The following ITPR3 variants were observed in gnomAD, a reference collection of about 807,000 sequenced individuals.
ITPR3 encodes inositol 1,4,5-trisphosphate receptor type 3.
In ITPR3, 173 loss-of-function variants were observed where a neutral mutation model predicts 293.2. The ratio of observed to expected loss-of-function variants is 0.59; its 90% CI spans 0.52 to 0.67. The LOEUF (loss-of-function observed/expected upper bound fraction) is 0.67, where lower values mean the gene tolerates loss of function less well. ITPR3 is among the 30% of genes least tolerant of loss of function. The pLI, the probability that ITPR3 is intolerant of heterozygous loss-of-function variation, is 0.00. For synonymous variants in ITPR3, 1,295 were observed against 1,444.4 expected (o/e 0.90, Z 2.35); for missense variants, 2,796 against 3,592.1 (o/e 0.78, Z 5.66).
chr6:33,689,374 C>T lies in ITPR3; in HGVS notation c.6831C>T (p.Gly2277=). The change falls in exon 50 of 58, where the codon GGC becomes GGT. Residue 2277 remains glycine (G), a synonymous_variant. Transcript: ENST00000605930. Reference sequence around the variant, plus strand: ...TCCTGCGCTCCATCTACTATCTGGGCATCGGGCCCACACTCAACATCCTGG... The same window carrying T: ...TCCTGCGCTCCATCTACTATCTGGGTATCGGGCCCACACTCAACATCCTGG... ...ALILRSIYYL[G]IGPTLNILGA... is the part of the protein sequence containing the mutation. 1 of 1,611,468 alleles carries T rather than the reference C, an allele frequency of 6.2e-7. No individual in the cohort carries two copies.
chr6:33,626,283 G>A (rs760055143), intron 1 of ITPR3, among the ~76,000 whole-genome samples: 10 of 152,046 alleles, frequency 6.6e-5, no homozygotes, highest in African/African-American at 1.4e-4. Context: ...GTGAGTTTCC[G>A]TCAGCCTGCA....
At chr6:33,688,543 C>G in intron 48 of ITPR3, 112 bp downstream of exon 48, 1 of 1,530,838 alleles carries the variant, frequency 6.5e-7, no homozygotes, top group Admixed American at 1.9e-5. Flanking sequence ...CCCGCCTCAC[C>G]CCAAGGAAGG....
At chr6:33,637,886 T>A (rs1763862649) in intron 1 of ITPR3, among the ~76,000 whole-genome samples, 1 of 151,500 alleles carries the variant, frequency 6.6e-6, no homozygotes, top group Non-Finnish European at 1.5e-5. Context: ...TGACCTCAGG[T>A]GATTAGCCTG....
chr6:33,696,078 T>A lies in ITPR3; in HGVS notation c.*298T>A. On this transcript the variant is annotated 3_prime_UTR_variant, in exon 58 of 58. Coordinates refer to ENST00000605930, the MANE Select transcript of ITPR3 (RefSeq NM_002224.4). ...GACCTTTGTTCCTTAAAGCAATAAC[T>A]GACAACTCTTTGTAGTCCTCCTTGT... is the stretch of plus-strand genomic sequence containing the variant. 1 of 391,736 alleles carries A rather than the reference T, an allele frequency of 2.6e-6. No homozygotes were observed. The highest frequency in any genetic ancestry group is 4.7e-6 in the Non-Finnish European group (1 of 214,590). 24.3% of individuals were successfully genotyped at this position (391,736 alleles called of 1,614,324 possible).
intron 3 of ITPR3, among the ~76,000 whole-genome samples, chr6:33,657,651 C>G (rs951462717): frequency 6.6e-6 from 1 of 151,972 alleles, no homozygotes; most frequent in African/African-American, 2.4e-5. Context: ...GTCCTGCTGG[C>G]ATGCCCTCTC....
In ITPR3 at chr6:33,654,216, C is replaced by T. The variant is rs764163724; in HGVS notation, c.161-1550C>T. Among the ~76,000 whole-genome samples, 9 of 151,810 alleles carry T rather than the reference C, an allele frequency of 5.9e-5. No individual in the cohort carries two copies. The highest frequency in any genetic ancestry group is 8.8e-5 in the Non-Finnish European group (6 of 67,948). On this transcript the variant is annotated intron_variant, in intron 2 of 57. Transcript: ENST00000605930. This position sits in a 1 kb window ranked among gnomAD's most constrained non-coding sequence, Gnocchi z 4.1. ...CTGGGAGGTGGAGGTTGCAGTGAGC[C>T]GAGATTGCATCACTGCACTCCAGCC...
Position 33,664,370 on chromosome 6 carries a change from A to C in ITPR3, c.1148+490A>C, listed in dbSNP as rs1764555911. Among the ~76,000 whole-genome samples, 3 of 152,174 alleles carry C rather than the reference A, an allele frequency of 2.0e-5. No individual in the cohort carries two copies. The South Asian group carries it at 6.2e-4, about 32-fold the overall frequency. The stretch of plus-strand genomic sequence containing the variant: ...GTCAACAGGGCTAATGGGAGAGTTA[A>C]TTGAGTCACTACATAGGCCCACAGT... On this transcript the variant is annotated intron_variant, in intron 11 of 57. Transcript: ENST00000605930. This position sits in a 1 kb window ranked among gnomAD's most constrained non-coding sequence, Gnocchi z 4.4.
chr6:33,676,206 C>A (rs1018671598), intron 25 of ITPR3, among the ~76,000 whole-genome samples: 1 of 152,216 alleles, frequency 6.6e-6, no homozygotes, highest in African/African-American at 2.4e-5. Context: ...CAATACCAGT[C>A]GGCGTTGGCC....
chr6:33,689,558 C>A, intron 50 of ITPR3, 148 bp downstream of exon 50: 2 of 868,818 alleles, frequency 2.3e-6, no homozygotes, highest in Non-Finnish European at 3.5e-6. Context: ...AGACCGGTGG[C>A]AGGGACTGTT....
rs1394010591 is a variant in ITPR3 at position 33,665,816 on chromosome 6, C to T, written c.1410-19C>T. ...GGGTGGGTATCTCACACTCGTCATC[C>T]CCGGGTCCCCTCACCCAGGTTTGTC... On this transcript the variant is annotated intron_variant, in intron 13 of 57. Coordinates refer to ENST00000605930, the MANE Select transcript of ITPR3 (RefSeq NM_002224.4). The T allele has an allele frequency of 3.7e-6, 6 of 1,613,330 alleles. No homozygotes were observed. The highest frequency in any genetic ancestry group is 5.1e-6 in the Non-Finnish European group (6 of 1,179,450).
At chr6:33,645,532 A>T (rs989761542) in intron 2 of ITPR3, among the ~76,000 whole-genome samples, 2 of 152,152 alleles carry the variant, frequency 1.3e-5, no homozygotes, top group Non-Finnish European at 2.9e-5. Context: ...ATTGCCTGCG[A>T]TGCTGCAGTG....
At position 33,630,455 on chromosome 6, in the gene ITPR3, A is replaced by G. The variant is rs1033726801; in HGVS notation, c.89+8764A>G. On this transcript the variant is annotated intron_variant, in intron 1 of 57. Coordinates refer to ENST00000605930, the MANE Select transcript of ITPR3 (RefSeq NM_002224.4). ...AGACAAGCCTGGGGCTGGCAGGCCA[A>G]ATATATGAGGCAAGGGCTGGCTGGC... is the stretch of plus-strand genomic sequence containing the variant. 3.9e-5 allele frequency among the ~76,000 whole-genome samples: 6 copies of G among 152,316 alleles called. 1 individual carries two copies. In the South Asian group the frequency reaches 1.0e-3, roughly 26 times the overall value.
chr6:33,674,385 A>G (rs1582146211), intron 24 of ITPR3, 120 bp downstream of exon 24: 11 of 910,698 alleles, frequency 1.2e-5, no homozygotes, highest in Non-Finnish European at 1.7e-5. Context: ...CCCTCTGCAG[A>G]CCCTCACCGG....
At chr6:33,695,185 T>A in intron 57 of ITPR3, 100 bp downstream of exon 57, 1 of 1,330,454 alleles carries the variant, frequency 7.5e-7, no homozygotes, top group Non-Finnish European at 1.0e-6. Context: ...CCCACTGGCC[T>A]CTGGCCCTGG....
chr6:33,676,786 GC>G lies in ITPR3; in HGVS notation c.3302del (p.Ala1101GlyfsTer9). Reference sequence around the variant, plus strand: ...CCTTCAGGTTCAGCTGCTGATCTCAGCGCAGGACGTGGAGAACTACAAGGTG... The same window carrying G: ...CCTTCAGGTTCAGCTGCTGATCTCAGGCAGGACGTGGAGAACTACAAGGTG... ...TFKQVQLLIS[A>X]QDVENYKVIK... is the part of the protein sequence containing the mutation. On this transcript the variant is annotated frameshift_variant, in exon 26 of 58. Transcript: ENST00000605930. LOFTEE classifies it high-confidence loss of function. The G allele has an allele frequency of 6.2e-7, 1 of 1,614,228 alleles. No homozygotes were observed. The highest frequency in any genetic ancestry group is 8.5e-7 in the Non-Finnish European group (1 of 1,180,024).
intron 22 of ITPR3, among the ~76,000 whole-genome samples, chr6:33,673,385 C>G (rs943454937): frequency 6.7e-6 from 1 of 149,344 alleles, no homozygotes; most frequent in Non-Finnish European, 1.5e-5. Context: ...GGGGAGAGGG[C>G]ACCCTGGGCC....
chr6:33,665,230 C>T lies in ITPR3; in HGVS notation c.1409+17C>T. On this transcript the variant is annotated intron_variant, in intron 13 of 57. Coordinates refer to ENST00000605930, the MANE Select transcript of ITPR3 (RefSeq NM_002224.4). Reference sequence around the variant, plus strand: ...TGACCGCAGGTGGGCTGCAGTGGCACAGGGGTTTTCTGAGTGATCTTGCCC... The same window carrying T: ...TGACCGCAGGTGGGCTGCAGTGGCATAGGGGTTTTCTGAGTGATCTTGCCC... 1 of 1,606,874 alleles carries T rather than the reference C, an allele frequency of 6.2e-7. No individual in the cohort carries two copies. The highest frequency in any genetic ancestry group is 8.5e-7 in the Non-Finnish European group (1 of 1,174,894).
rs147723375 is a variant in ITPR3, at chr6:33,659,461, C to T, written c.628-5C>T. ...GGCGTCACGGGTCTTGTCACCCTTC[C>T]GCAGGTCAATTCTGTGAACTGCAAC... On this transcript the variant is annotated splice_region_variant and splice_polypyrimidine_tract_variant and intron_variant, in intron 6 of 57. Coordinates refer to ENST00000605930, the MANE Select transcript of ITPR3 (RefSeq NM_002224.4). The T allele has an allele frequency of 7.8e-4, 1,264 of 1,613,744 alleles. 4 individuals are homozygous for T. The African/African-American group carries it at 9.1e-3, about 12-fold the overall frequency.
chr6:33,686,781 G>A (rs951780173), intron 43 of ITPR3, among the ~76,000 whole-genome samples: 5 of 152,216 alleles, frequency 3.3e-5, no homozygotes, highest in South Asian at 2.1e-4. Context: ...GTGTGTGTCT[G>A]CTGTCTGGGT....
Sources: gnomAD v4.1 joint callset for allele counts (sites outside exome capture counted in the v4.1 genomes callset) on GRCh38, gnomAD v4.1.1 for gene constraint, Gnocchi (gnomAD v3.1) non-coding constraint, MANE v1.5 for transcripts, NCBI Gene and HGNC (gene_info 2026-07-23, HGNC 2026-07-21) for gene names.